The following NR3C1 variants were observed in gnomAD, a reference collection of about 807,000 sequenced individuals.
The protein encoded by NR3C1 is glucocorticoid receptor.
In NR3C1, 14 loss-of-function variants were observed where a neutral mutation model predicts 74.0. The observed-to-expected ratio is 0.19, with a 90% confidence interval of 0.12 to 0.30. The LOEUF (loss-of-function observed/expected upper bound fraction) is 0.30, where lower values mean the gene tolerates loss of function less well. Among genes scored for constraint, NR3C1 ranks in the 10% least tolerant of loss-of-function variants. NR3C1 has a pLI of 1.00. For missense variants in NR3C1, 695 were observed against 909.8 expected (o/e 0.76, Z 3.04); for synonymous variants, 308 against 332.5 (o/e 0.93, Z 0.80).
chr5:143,321,744 G>C (rs1220876677), intron 2 of NR3C1, among the ~76,000 whole-genome samples: 1 of 152,156 alleles, frequency 6.6e-6, no homozygotes, highest in African/African-American at 2.4e-5. Context: ...CCTATGATAG[G>C]AGTAGCTTTT....
At chr5:143,299,501 A>T (rs768159174) in intron 5 of NR3C1, among the ~76,000 whole-genome samples, 10 of 152,314 alleles carry the variant, frequency 6.6e-5, no homozygotes, top group Non-Finnish European at 1.0e-4. Context: ...GGGTGCAAAA[A>T]TACAGTTAGA....
In NR3C1 at chr5:143,416,459, C is replaced by CA. The variant is rs34861052; in HGVS notation, c.-13-15608dup. Among the ~76,000 whole-genome samples, 781 of 134,798 alleles carry CA rather than the reference C, an allele frequency of 5.8e-3. 6 individuals are homozygous for CA. The highest frequency in any genetic ancestry group is 0.017 in the African/African-American group (639 of 36,848). The allele number at this position is 134,798 out of a possible 152,430, so 88.4% of individuals were successfully genotyped here. A position where few individuals can be genotyped will look rare whatever the true frequency, so the allele number is the denominator to read the frequency against. ...AGAGACTCCATTGGATTGAGGTTTG[C>CA]AAAAAAAAAAAGCAAAGAGATCTGG... is the stretch of plus-strand genomic sequence containing the variant. On this transcript the variant is annotated intron_variant, in intron 1 of 8. Coordinates refer to the NR3C1 transcript ENST00000343796.
rs538884338 is a variant in NR3C1, at chr5:143,332,739, T to C, written c.1185-18571A>G. 71 of 1,588,506 alleles carry C rather than the reference T, an allele frequency of 4.5e-5. No individual in the cohort carries two copies. In the African/African-American group the frequency reaches 9.0e-4, roughly 20 times the overall value. ...AGAAGTGAAACCTCATGCCTTGGAA[T>C]TGCCAGATAAACATTCCTTGGCCTT... On this transcript the variant is annotated intron_variant, in intron 2 of 8. Transcript: ENST00000394464.
intron 4 of NR3C1, among the ~76,000 whole-genome samples, chr5:143,306,574 G>A (rs1437688896): frequency 6.6e-6 from 1 of 152,084 alleles, no homozygotes; most frequent in African/African-American, 2.4e-5. Context: ...AGTAGAATTG[G>A]ATCATTTATA....
At position 143,370,871 on chromosome 5, in the gene NR3C1, T is replaced by C. The variant is rs1267217885; in HGVS notation, c.1184+28785A>G. ...CAAGATATCAGGAACCTATAAGTGG[T>C]TGGAAGCTTCGCATCTGAGAGTGAT... On this transcript the variant is annotated intron_variant, in intron 2 of 8. Transcript: ENST00000394464. Among the ~76,000 whole-genome samples, 4 of 152,314 alleles carry C rather than the reference T, an allele frequency of 2.6e-5. 1 individual carries two copies. In the East Asian group the frequency reaches 5.8e-4, roughly 22 times the overall value.
At chr5:143,361,987 G>C (rs1832339980) in intron 2 of NR3C1, among the ~76,000 whole-genome samples, 1 of 152,116 alleles carries the variant, frequency 6.6e-6, no homozygotes, top group African/African-American at 2.4e-5. Flanking sequence ...TTATTGGCTA[G>C]CCTTGAGAGA....
In NR3C1 at chr5:143,283,757, A is replaced by G. The variant is rs185467997; in HGVS notation, c.2024-1032T>C. 7.5e-4 allele frequency among the ~76,000 whole-genome samples: 114 copies of G among 152,294 alleles called. No individual in the cohort carries two copies. The Middle Eastern group carries it at 0.014, about 18-fold the overall frequency. On this transcript the variant is annotated intron_variant, in intron 7 of 8. Coordinates refer to ENST00000394464, the MANE Select transcript of NR3C1 (RefSeq NM_000176.3). ...AAGGACAAGGAACAGAGGGTTAATCATGGTTTCACTTAATCCTGTGGAGAT... is the reference window on the plus strand; with the variant it reads ...AAGGACAAGGAACAGAGGGTTAATCGTGGTTTCACTTAATCCTGTGGAGAT...
intron 1 of NR3C1, among the ~76,000 whole-genome samples, chr5:143,433,460 A>ATATATAATTTATTTATTTATTT (rs1413693943): frequency 6.8e-6 from 1 of 146,002 alleles, no homozygotes; most frequent in Non-Finnish European, 1.5e-5. Flanking sequence ...AATTATATAT[A>ATATATAATTTATTTATTTATTT]TATATATATA....
chr5:143,405,097 C>A (rs1470342024), upstream of NR3C1: 4 of 985,106 alleles, frequency 4.1e-6, no homozygotes, highest in African/African-American at 7.0e-5. Flanking sequence ...AGCTCCCTTC[C>A]CCAGCTCGCC....
At chr5:143,417,958 T>C (rs1600673744) in intron 1 of NR3C1, among the ~76,000 whole-genome samples, 1 of 152,216 alleles carries the variant, frequency 6.6e-6, no homozygotes, top group African/African-American at 2.4e-5. Flanking sequence ...CAGCTGAGCA[T>C]GCTCAAATAA....
intron 2 of NR3C1, among the ~76,000 whole-genome samples, chr5:143,314,592 A>G (rs1561544773): frequency 6.6e-6 from 1 of 152,192 alleles, no homozygotes; most frequent in Non-Finnish European, 1.5e-5. Context: ...CCATCATCCC[A>G]AAAAGATGCC....
chr5:143,295,806 G>GT, intron 6 of NR3C1, among the ~76,000 whole-genome samples: 1 of 152,112 alleles, frequency 6.6e-6, no homozygotes, highest in Non-Finnish European at 1.5e-5. Context: ...ATAATCTAAT[G>GT]TAACAGTGGA....
chr5:143,424,001 G>T (rs1166007645), intron 1 of NR3C1, among the ~76,000 whole-genome samples: 3 of 130,054 alleles, frequency 2.3e-5, no homozygotes, highest in Non-Finnish European at 4.7e-5. Flanking sequence ...TCGTAGGTGG[G>T]AATTGAACAA....
chr5:143,427,494 G>C (rs1751593269), intron 1 of NR3C1, among the ~76,000 whole-genome samples: 1 of 152,136 alleles, frequency 6.6e-6, no homozygotes, highest in African/African-American at 2.4e-5. Context: ...ACAAACCTCA[G>C]CAGTGCCTCT....
In NR3C1 at chr5:143,377,022, G is replaced by T. The variant is rs376752773; in HGVS notation, c.1184+22634C>A. On this transcript the variant is annotated intron_variant, in intron 2 of 8. Transcript: ENST00000394464. Reference sequence around the variant, plus strand: ...CTGTGATCTCGGTTACACTGGGAAGGCTCTTTTGTCTCAAAGTATCTCTCA... The same window carrying T: ...CTGTGATCTCGGTTACACTGGGAAGTCTCTTTTGTCTCAAAGTATCTCTCA... Among the ~76,000 whole-genome samples the T allele has an allele frequency of 1.6e-4, 24 of 152,228 alleles. No homozygotes were observed. In the East Asian group the frequency reaches 3.7e-3, roughly 23 times the overall value.
At chr5:143,388,496 G>T (rs1302051520) in intron 2 of NR3C1, among the ~76,000 whole-genome samples, 1 of 152,204 alleles carries the variant, frequency 6.6e-6, no homozygotes, top group African/African-American at 2.4e-5. Flanking sequence ...TGGCATACAG[G>T]AGTAAGCAAG....
intron 1 of NR3C1, among the ~76,000 whole-genome samples, chr5:143,415,653 TTTCC>T (rs1841452775): frequency 6.6e-6 from 1 of 152,192 alleles, no homozygotes; most frequent in African/African-American, 2.4e-5. Flanking sequence ...TGTTTTAACC[TTTCC>T]TTATTGAAGT....
At chr5:143,314,396 G>C (rs1300020431) in intron 2 of NR3C1, among the ~76,000 whole-genome samples, 1 of 150,598 alleles carries the variant, frequency 6.6e-6, no homozygotes, top group African/African-American at 2.4e-5. Flanking sequence ...AAATAGAATG[G>C]TGTGGTTCTG....
intron 4 of NR3C1, among the ~76,000 whole-genome samples, chr5:143,302,394 A>G (rs569185813): frequency 6.6e-6 from 1 of 152,126 alleles, no homozygotes; most frequent in Non-Finnish European, 1.5e-5. Flanking sequence ...CTCTTTAAAC[A>G]ACCAGAAGTA....
Sources: allele counts gnomAD v4.1 joint callset (sites outside exome capture counted in the v4.1 genomes callset), GRCh38; gene constraint gnomAD v4.1.1; transcripts MANE v1.5; gene names NCBI Gene and HGNC (gene_info 2026-07-23, HGNC 2026-07-21).